ANO10: variants seen among roughly 807,000 people sequenced by gnomAD.
The protein encoded by ANO10 is anoctamin 10.
A neutral mutation model predicts 74.7 loss-of-function variants in ANO10; 77 were observed. The observed-to-expected ratio is 1.03, with a 90% CI of 0.86 to 1.25. ANO10 has a LOEUF of 1.25. Among genes scored for constraint, ANO10 ranks in the 50% most tolerant of loss-of-function variants. The probability of loss-of-function intolerance (pLI) is 0.00; values close to 1 mark genes in which losing one functional copy is unlikely to be tolerated. For missense variants in ANO10, 721 were observed against 778.1 expected, an observed-to-expected ratio of 0.93 and a Z score of 0.87; for synonymous variants, 279 against 284.9, an observed-to-expected ratio of 0.98 and a Z score of 0.21.
At chr3:43,482,200 T>C (rs2076300749) in intron 11 of ANO10, among the ~76,000 whole-genome samples, 1 of 151,992 alleles carries the variant, frequency 6.6e-6, no homozygotes, top group African/African-American at 2.4e-5. Context: ...AGTGCTGGGA[T>C]TATAGGTGTG....
intron 11 of ANO10, among the ~76,000 whole-genome samples, chr3:43,506,902 T>C (rs1210092994): frequency 6.6e-6 from 1 of 152,172 alleles, no homozygotes; most frequent in Non-Finnish European, 1.5e-5. Flanking sequence ...ATACTATACA[T>C]TTCATCTCAT....
chr3:43,691,103 A>T, intron 1 of ANO10: 1 of 1,461,642 alleles, frequency 6.8e-7, no homozygotes. Context: ...GGGCCGGGTT[A>T]GGGCCCAGCG....
intron 11 of ANO10, among the ~76,000 whole-genome samples, chr3:43,524,228 C>T (rs538034124): frequency 1.9e-4 from 1 of 5,214 alleles, no homozygotes; most frequent in South Asian, 7.9e-3. Context: ...GGAAACGAAT[C>T]CCTCATAGAA....
chr3:43,643,705 A>G (rs1369812202), intron 1 of ANO10, among the ~76,000 whole-genome samples: 2 of 112,810 alleles, frequency 1.8e-5, no homozygotes, highest in Admixed American at 1.0e-4. Flanking sequence ...TTTTTTTTAG[A>G]TGGAGTCTCG....
At chr3:43,506,370 G>A (rs1389982871) in intron 11 of ANO10, among the ~76,000 whole-genome samples, 2 of 152,062 alleles carry the variant, frequency 1.3e-5, no homozygotes, top group Admixed American at 6.6e-5. Flanking sequence ...CCAAGACACC[G>A]TCTCTGTCCT....
At chr3:43,675,826 A>G (rs1575589340) in intron 1 of ANO10, among the ~76,000 whole-genome samples, 2 of 152,336 alleles carry the variant, frequency 1.3e-5, no homozygotes, top group East Asian at 1.9e-4. Flanking sequence ...GCTGGTAGGA[A>G]TATATGGTAC....
chr3:43,453,659 A>G (rs905958764), intron 11 of ANO10, among the ~76,000 whole-genome samples: 9 of 152,100 alleles, frequency 5.9e-5, no homozygotes, highest in Non-Finnish European at 1.0e-4. Context: ...TAGGGATCCA[A>G]TTTCATTTGT....
At chr3:43,608,891 G>C (rs2082683807) in intron 1 of ANO10, among the ~76,000 whole-genome samples, 1 of 152,098 alleles carries the variant, frequency 6.6e-6, no homozygotes, top group Non-Finnish European at 1.5e-5. Flanking sequence ...AGAGTGTTAA[G>C]ACAGAAGGAA....
At chr3:43,387,208 T>C (rs1329592646) in intron 12 of ANO10, among the ~76,000 whole-genome samples, 1 of 152,198 alleles carries the variant, frequency 6.6e-6, no homozygotes, top group Non-Finnish European at 1.5e-5. Flanking sequence ...GGTGACTATA[T>C]GGGAAGTATC....
At chr3:43,614,801 A>ATATATATATATATATATATATG (rs61457264) in intron 1 of ANO10, among the ~76,000 whole-genome samples, 999 of 99,276 alleles carry the variant, frequency 0.01, 161 homozygotes, top group East Asian at 0.02. Flanking sequence ...ATATATATAT[A>ATATATATATATATATATATATG]TAGGTTCATT....
intron 11 of ANO10, among the ~76,000 whole-genome samples, chr3:43,452,219 G>A (rs1233162276): frequency 6.6e-6 from 1 of 152,052 alleles, no homozygotes; most frequent in African/African-American, 2.4e-5. Context: ...TTCTCCCAAT[G>A]AAAGTATATA....
intron 1 of ANO10, among the ~76,000 whole-genome samples, chr3:43,616,610 T>C (rs2083120738): frequency 6.6e-6 from 1 of 152,148 alleles, no homozygotes; most frequent in South Asian, 2.1e-4. Context: ...CCTTTAAGGC[T>C]CCAGGACATA....
At chr3:43,393,872 T>G (rs1007384943) in intron 12 of ANO10, among the ~76,000 whole-genome samples, 1 of 151,962 alleles carries the variant, frequency 6.6e-6, no homozygotes, top group Non-Finnish European at 1.5e-5. Context: ...CCCCTCCATT[T>G]CCAGATCTTG....
intron 11 of ANO10, among the ~76,000 whole-genome samples, chr3:43,507,072 T>C (rs773553561): frequency 2.0e-5 from 3 of 152,232 alleles, no homozygotes; most frequent in Admixed American, 6.5e-5. Context: ...TTCCTACTTA[T>C]TGGAAGATTC....
intron 12 of ANO10, among the ~76,000 whole-genome samples, chr3:43,368,405 T>G (rs2091484840): frequency 6.6e-6 from 1 of 152,170 alleles, no homozygotes; most frequent in African/African-American, 2.4e-5. Context: ...GACCCACCAC[T>G]GCAAGATTTC....
At chr3:43,617,317 T>G (rs1344602839) in intron 1 of ANO10, among the ~76,000 whole-genome samples, 1 of 151,812 alleles carries the variant, frequency 6.6e-6, no homozygotes, top group Non-Finnish European at 1.5e-5. Context: ...GAGGGTAGAA[T>G]GATTTCTGTA....
At chr3:43,616,262 T>C (rs2083099540) in intron 1 of ANO10, among the ~76,000 whole-genome samples, 2 of 152,214 alleles carry the variant, frequency 1.3e-5, no homozygotes, top group South Asian at 4.1e-4. Context: ...CTCGCTATCA[T>C]GTTACTCAGA....
intron 11 of ANO10, among the ~76,000 whole-genome samples, chr3:43,533,180 A>C (rs2078549911): frequency 6.6e-6 from 1 of 152,224 alleles, no homozygotes; most frequent in Non-Finnish European, 1.5e-5. Context: ...AAGAAAGCTG[A>C]CGGATATGTA....
chr3:43,621,062 ATTAGAT>A (rs1266311474), intron 1 of ANO10, among the ~76,000 whole-genome samples: 1 of 152,196 alleles, frequency 6.6e-6, no homozygotes, highest in Non-Finnish European at 1.5e-5. Context: ...ACCCCACAGG[ATTAGAT>A]TTAAACTCCG....
Sources: allele counts gnomAD v4.1 joint callset (sites outside exome capture counted in the v4.1 genomes callset), GRCh38; gene constraint gnomAD v4.1.1; transcripts MANE v1.5; gene names NCBI Gene and HGNC (gene_info 2026-07-23, HGNC 2026-07-21).